WWOX: variants seen among roughly 807,000 people sequenced by gnomAD.
WWOX encodes the protein WW domain-containing oxidoreductase.
A neutral mutation model predicts 46.2 loss-of-function variants in WWOX; 69 were observed. That is an observed-to-expected ratio of 1.49 (90% CI 1.23 to 1.82). The LOEUF is 1.82. Ranked by LOEUF, WWOX falls within the 40% of genes most tolerant of loss-of-function variation. The pLI is 0.00. For missense variants in WWOX, 919 were observed against 542.6 expected, an observed-to-expected ratio of 1.69 and a Z score of -6.89; for synonymous variants, 359 against 202.6, an observed-to-expected ratio of 1.77 and a Z score of -6.56.
At chr16:78,821,681 A>T (rs1008030633) in intron 8 of WWOX, among the ~76,000 whole-genome samples, 3 of 152,192 alleles carry the variant, frequency 2.0e-5, no homozygotes, top group African/African-American at 7.2e-5. Context: ...GGTGACAAAG[A>T]CAGAGGCTCA....
intron 4 of WWOX, among the ~76,000 whole-genome samples, chr16:78,116,109 G>A (rs1037112766): frequency 5.3e-5 from 8 of 151,982 alleles, no homozygotes; most frequent in Admixed American, 1.3e-4. Flanking sequence ...TGGAGAATGG[G>A]GTATCCATCC....
At chr16:78,152,695 T>C (rs966759742) in intron 4 of WWOX, among the ~76,000 whole-genome samples, 4 of 152,192 alleles carry the variant, frequency 2.6e-5, no homozygotes, top group East Asian at 1.9e-4. Context: ...TGAGAACTTA[T>C]TCACCCAGCA....
chr16:78,380,227 G>C (rs1330692425), intron 5 of WWOX, among the ~76,000 whole-genome samples: 1 of 152,122 alleles, frequency 6.6e-6, no homozygotes, highest in Admixed American at 6.5e-5. Flanking sequence ...GGGGCAAGGA[G>C]GGTTGGGGGA....
At chr16:78,239,083 C>T (rs2037540210) in intron 5 of WWOX, among the ~76,000 whole-genome samples, 1 of 152,178 alleles carries the variant, frequency 6.6e-6, no homozygotes, top group African/African-American at 2.4e-5. Flanking sequence ...CGTGGATTCT[C>T]AGCTGTTGTG....
At chr16:78,625,836 G>C (rs984937537) in intron 8 of WWOX, among the ~76,000 whole-genome samples, 2 of 144,664 alleles carry the variant, frequency 1.4e-5, no homozygotes, top group Non-Finnish European at 3.0e-5. Context: ...TGGCAATTGC[G>C]GTTTTTGCCG....
At chr16:78,460,728 T>A (rs1353280688) in intron 8 of WWOX, among the ~76,000 whole-genome samples, 2 of 152,210 alleles carry the variant, frequency 1.3e-5, no homozygotes, top group African/African-American at 4.8e-5. Flanking sequence ...TGACATTCGA[T>A]CCACGTGGCA....
chr16:78,163,564 C>A (rs2034867624), intron 4 of WWOX, among the ~76,000 whole-genome samples: 1 of 152,236 alleles, frequency 6.6e-6, no homozygotes, highest in Non-Finnish European at 1.5e-5. Flanking sequence ...GCTGGCCTTG[C>A]AGTTTTTGCA....
chr16:78,702,486 A>G (rs893790080), intron 8 of WWOX, among the ~76,000 whole-genome samples: 24 of 148,812 alleles, frequency 1.6e-4, no homozygotes, highest in African/African-American at 6.0e-4. Flanking sequence ...CCCCATCTCT[A>G]CTAAAAATAC....
chr16:79,011,417 T>C (rs2047305128), intron 8 of WWOX, among the ~76,000 whole-genome samples: 1 of 151,922 alleles, frequency 6.6e-6, no homozygotes, highest in African/African-American at 2.4e-5. Flanking sequence ...TTCCCTTGCA[T>C]TTGGTTTTCA....
At chr16:79,066,217 T>A (rs1307700219) in intron 8 of WWOX, among the ~76,000 whole-genome samples, 2 of 152,146 alleles carry the variant, frequency 1.3e-5, no homozygotes, top group African/African-American at 4.8e-5. Context: ...GGACGTTCCT[T>A]CCAGAGAGGC....
intron 5 of WWOX, among the ~76,000 whole-genome samples, chr16:78,334,035 C>T (rs971630505): frequency 2.0e-5 from 3 of 152,146 alleles, no homozygotes; most frequent in African/African-American, 2.4e-5. Flanking sequence ...TAAATCCCCT[C>T]GTCCTCCAGA....
intron 4 of WWOX, among the ~76,000 whole-genome samples, chr16:78,133,677 T>A (rs137860834): frequency 1.5e-4 from 23 of 152,340 alleles, no homozygotes; most frequent in African/African-American, 5.5e-4. Context: ...ATCACAGACA[T>A]GAGCCACCAT....
intron 8 of WWOX, among the ~76,000 whole-genome samples, chr16:78,975,933 C>A (rs1230019846): frequency 6.6e-6 from 1 of 152,196 alleles, no homozygotes; most frequent in African/African-American, 2.4e-5. Flanking sequence ...TTTGCCCTGC[C>A]ACCCTCCATC....
At chr16:78,532,052 G>A (rs1381475141) in intron 8 of WWOX, among the ~76,000 whole-genome samples, 1 of 151,362 alleles carries the variant, frequency 6.6e-6, no homozygotes, top group Admixed American at 6.6e-5. Flanking sequence ...TGGTATTTGG[G>A]GGAGTAGGGA....
intron 8 of WWOX, among the ~76,000 whole-genome samples, chr16:78,947,331 A>G (rs2045968944): frequency 6.6e-6 from 1 of 152,132 alleles, no homozygotes; most frequent in African/African-American, 2.4e-5. Flanking sequence ...TTAGCTTCAA[A>G]CACCATTTTT....
rs114016069 is a variant in WWOX at position 78,470,994 on chromosome 16, G to A, written c.1056+38242G>A. ...AAGTAAAATCAGAAACCAACAGCAC[G>A]TTTCCTTGAATACCTTTTGCTTTCT... On this transcript the variant is annotated intron_variant, in intron 8 of 8. Coordinates refer to ENST00000566780, the MANE Select transcript of WWOX (RefSeq NM_016373.4). Among the ~76,000 whole-genome samples the A allele has an allele frequency of 6.2e-3, 946 of 152,278 alleles. 12 individuals are homozygous for A. Among genetic ancestry groups the A allele is most frequent in the African/African-American group, 0.022 (905 of 41,544 alleles).
At chr16:78,227,041 A>G (rs74027949) in intron 5 of WWOX, among the ~76,000 whole-genome samples, 5,345 of 152,282 alleles carry the variant, frequency 0.035, 308 homozygotes, top group African/African-American at 0.12. Context: ...TTAGTTCACA[A>G]TGCCAGTGGT....
chr16:78,265,841 C>T (rs1052116249), intron 5 of WWOX: 1 of 152,044 alleles, frequency 6.6e-6, no homozygotes, highest in Non-Finnish European at 1.5e-5. Flanking sequence ...TAAATAGACT[C>T]CTTAATAAAT....
intron 5 of WWOX, among the ~76,000 whole-genome samples, chr16:78,165,664 G>T (rs2034946697): frequency 6.6e-6 from 1 of 152,154 alleles, no homozygotes; most frequent in African/African-American, 2.4e-5. Flanking sequence ...CTTCATTTTT[G>T]AATGCTGTGA....
Sources: allele counts gnomAD v4.1 joint callset (sites outside exome capture counted in the v4.1 genomes callset), GRCh38; gene constraint gnomAD v4.1.1; transcripts MANE v1.5; gene names NCBI Gene and HGNC (gene_info 2026-07-23, HGNC 2026-07-21).